CLHC1: variants seen among roughly 807,000 people sequenced by gnomAD.
CLHC1 encodes clathrin heavy chain linker domain containing 1, also known as clathrin heavy chain linker domain-containing protein 1.
In CLHC1, 72 loss-of-function variants were observed where a neutral mutation model predicts 69.5. The ratio of observed to expected loss-of-function variants is 1.04; its 90% CI spans 0.86 to 1.26. The LOEUF is 1.26. Ranked by LOEUF, CLHC1 falls within the 50% of genes most tolerant of loss-of-function variation. The pLI is 0.00. For missense variants in CLHC1, 790 were observed against 679.3 expected, an observed-to-expected ratio of 1.16 and a Z score of -1.81; for synonymous variants, 223 against 224.3, an observed-to-expected ratio of 0.99 and a Z score of 0.05.
intron 9 of CLHC1, among the ~76,000 whole-genome samples, chr2:55,202,713 A>G (rs939830515): frequency 6.6e-6 from 1 of 152,034 alleles, no homozygotes; most frequent in Non-Finnish European, 1.5e-5. Context: ...ACTGGCCAAC[A>G]TGGCAAAACT....
intron 1 of CLHC1, among the ~76,000 whole-genome samples, chr2:55,229,720 G>A (rs1249331311): frequency 6.6e-6 from 1 of 152,236 alleles, no homozygotes; most frequent in Non-Finnish European, 1.5e-5. Context: ...CTCTGAGTGA[G>A]ATTCGAAGCC....
intron 9 of CLHC1, 85 bp from the exon 10 acceptor site, chr2:55,181,829 T>C: frequency 9.7e-7 from 1 of 1,032,496 alleles, no homozygotes; most frequent in Non-Finnish European, 1.4e-6. Flanking sequence ...TTTTGTGCCT[T>C]TGCTTTTCTA....
intron 9 of CLHC1, among the ~76,000 whole-genome samples, chr2:55,202,383 C>G (rs1261214923): frequency 6.6e-6 from 1 of 151,696 alleles, no homozygotes; most frequent in Non-Finnish European, 1.5e-5. Context: ...TGGAGAAACC[C>G]TGTCCCTACT....
rs1280963354 is a variant in CLHC1 at position 55,174,067 on chromosome 2, C to A, written c.*1723G>T. Reference sequence around the variant, plus strand: ...TTGGCACACAAAGAACCAGTGCTGCCGAAATACCTCTCCCTTTCCATTCCT... The same window carrying A: ...TTGGCACACAAAGAACCAGTGCTGCAGAAATACCTCTCCCTTTCCATTCCT... On this transcript the variant is annotated 3_prime_UTR_variant, in exon 13 of 13. Transcript: ENST00000401408. Among the ~76,000 whole-genome samples the A allele has an allele frequency of 3.3e-5, 5 of 151,214 alleles. No individual in the cohort carries two copies. The highest frequency in any genetic ancestry group is 5.9e-5 in the Non-Finnish European group (4 of 67,946).
chr2:55,231,332 G>A (rs895251347), intron 1 of CLHC1, among the ~76,000 whole-genome samples: 1 of 152,030 alleles, frequency 6.6e-6, no homozygotes, highest in African/African-American at 2.4e-5. Flanking sequence ...GCATAGGTCA[G>A]GAAATTAAAT....
intron 4 of CLHC1, among the ~76,000 whole-genome samples, chr2:55,213,775 CT>C (rs1673227143): frequency 1.3e-5 from 2 of 152,066 alleles, no homozygotes; most frequent in African/African-American, 2.4e-5. Flanking sequence ...GTAAGGAAGA[CT>C]TTTTTCAAGA....
At chr2:55,186,237 G>A (rs1670401333) in intron 9 of CLHC1, among the ~76,000 whole-genome samples, 1 of 152,182 alleles carries the variant, frequency 6.6e-6, no homozygotes, top group Non-Finnish European at 1.5e-5. Context: ...AGACCAGGCA[G>A]AGACAAACAT....
rs1248906272 is a variant in CLHC1, at chr2:55,209,589, T to C, written c.701+41A>G. 4.4e-6 allele frequency: 7 copies of C among 1,598,206 alleles called. No homozygotes were observed. The East Asian group carries it at 1.3e-4, about 31-fold the overall frequency. ...GGTGGAATATTAGAATAAACACAAA[T>C]AAAACTCCAAACTTTAAAAACATAT... On this transcript the variant is annotated intron_variant, in intron 6 of 12. Coordinates refer to ENST00000401408, the MANE Select transcript of CLHC1 (RefSeq NM_152385.4).
chr2:55,194,104 C>A (rs906555650), intron 9 of CLHC1, among the ~76,000 whole-genome samples: 14 of 151,950 alleles, frequency 9.2e-5, no homozygotes, highest in African/African-American at 3.4e-4. Flanking sequence ...TGGTTGCCTG[C>A]AGTTTGGAGA....
chr2:55,209,243 T>C (rs1672748579), intron 7 of CLHC1, among the ~76,000 whole-genome samples, 161 bp downstream of exon 7: 1 of 152,150 alleles, frequency 6.6e-6, no homozygotes, highest in Admixed American at 6.5e-5. Context: ...TTACTAATTA[T>C]CTGTTAGCTG....
chr2:55,206,507 A>T, intron 8 of CLHC1, 131 bp from the exon 9 acceptor site: 6 of 650,016 alleles, frequency 9.2e-6, no homozygotes, highest in Non-Finnish European at 1.6e-5. Context: ...ATTCTAATAA[A>T]CTATAACTAG....
intron 2 of CLHC1, chr2:55,223,858 A>G (rs1486605127): frequency 6.6e-6 from 1 of 151,678 alleles, no homozygotes; most frequent in African/African-American, 2.4e-5. Context: ...TGCAGCGGCG[A>G]GATCTCAGCT....
At chr2:55,206,571 G>T (rs569505160) in intron 8 of CLHC1, among the ~76,000 whole-genome samples, 195 bp from the exon 9 acceptor site, 2 of 151,944 alleles carry the variant, frequency 1.3e-5, no homozygotes, top group African/African-American at 4.8e-5. Context: ...ACTCTGTTGG[G>T]TTTTTTTTAA....
Position 55,209,348 on chromosome 2 carries a change from T to C in CLHC1, c.814+56A>G. On this transcript the variant is annotated intron_variant, in intron 7 of 12. Coordinates refer to ENST00000401408, the MANE Select transcript of CLHC1 (RefSeq NM_152385.4). ...CTAAGAAAACCCCATTCTAACTAGC[T>C]AGCGAAAAAAATGTCTTCCATTATT... is the stretch of plus-strand genomic sequence containing the variant. 2.9e-6 allele frequency: 3 copies of C among 1,042,694 alleles called. No homozygotes were observed. In the South Asian group the frequency reaches 4.2e-5, roughly 15 times the overall value. 64.6% of individuals were successfully genotyped at this position (1,042,694 alleles called of 1,614,324 possible).
At chr2:55,180,034 G>C (rs1669768232) in intron 11 of CLHC1, among the ~76,000 whole-genome samples, 1 of 151,792 alleles carries the variant, frequency 6.6e-6, no homozygotes, top group Non-Finnish European at 1.5e-5. Flanking sequence ...GGCACCTGTA[G>C]TCCCAGCTAC....
intron 9 of CLHC1, among the ~76,000 whole-genome samples, chr2:55,203,251 A>G (rs1170537025): frequency 6.6e-6 from 1 of 152,328 alleles, no homozygotes; most frequent in Admixed American, 6.5e-5. Context: ...CAATCTACAG[A>G]TTTAATGCAA....
rs1437034918 is a variant in CLHC1, at chr2:55,181,731, A to G, written c.1020T>C (p.Ile340=). Residue 340 remains isoleucine, a synonymous_variant, in exon 10 of 13, where the codon ATT becomes ATC. Coordinates refer to ENST00000401408, the MANE Select transcript of CLHC1 (RefSeq NM_152385.4). ...AGAGTAATGGAAGAGGCTTTCCTCT[A>G]ATTTTTCCAACAGCTACAGAAAGGA... ...TMNTFKAVGK[I]RGKPLPLLLF... The G allele has an allele frequency of 1.2e-6, 2 of 1,611,220 alleles. No homozygotes were observed. Among genetic ancestry groups the G allele is most frequent in the East Asian group, 2.2e-5 (1 of 44,810 alleles).
chr2:55,210,328 T>G (rs1672865669), intron 5 of CLHC1, among the ~76,000 whole-genome samples: 1 of 152,078 alleles, frequency 6.6e-6, no homozygotes, highest in Non-Finnish European at 1.5e-5. Flanking sequence ...TCTGAGTAGC[T>G]GGGACTATAG....
chr2:55,209,264 A>T, intron 7 of CLHC1, 140 bp downstream of exon 7: 1 of 602,288 alleles, frequency 1.7e-6, no homozygotes, highest in African/African-American at 1.9e-5. Flanking sequence ...TTGAAGGAAG[A>T]AACCCATAGC....
Sources: allele counts gnomAD v4.1 joint callset (sites outside exome capture counted in the v4.1 genomes callset), GRCh38; gene constraint gnomAD v4.1.1; transcripts MANE v1.5; gene names NCBI Gene and HGNC (gene_info 2026-07-23, HGNC 2026-07-21).